CEP76: variants seen among roughly 807,000 people sequenced by gnomAD.
The protein encoded by CEP76 is centrosomal protein 76.
Under a neutral mutation model 83.3 loss-of-function variants are expected in CEP76, and 55 were observed. That is an observed-to-expected ratio of 0.66 (90% CI 0.53 to 0.83). The LOEUF (loss-of-function observed/expected upper bound fraction) is 0.83, where lower values mean the gene tolerates loss of function less well. Among genes scored for constraint, CEP76 ranks in the 40% least tolerant of loss-of-function variants. The pLI is 0.00. For missense variants in CEP76, 694 were observed against 799.5 expected, an observed-to-expected ratio of 0.87 and a Z score of 1.59; for synonymous variants, 270 against 274.5, an observed-to-expected ratio of 0.98 and a Z score of 0.16.
intron 4 of CEP76, among the ~76,000 whole-genome samples, 164 bp from the exon 5 acceptor site, chr18:12,697,572 G>A (rs1236514179): frequency 6.6e-6 from 1 of 152,204 alleles, no homozygotes; most frequent in East Asian, 1.9e-4. Context: ...TACAAGTACA[G>A]TCCTATTTCT....
intron 1 of CEP76, among the ~76,000 whole-genome samples, chr18:12,701,633 A>C (rs1024157200): frequency 2.6e-5 from 4 of 152,160 alleles, no homozygotes; most frequent in African/African-American, 9.7e-5. Flanking sequence ...GGGCACCATA[A>C]ATGGTCGCTT....
chr18:12,674,903 T>C (rs1341144006), intron 10 of CEP76, 150 bp from the exon 11 acceptor site: 10 of 499,280 alleles, frequency 2.0e-5, no homozygotes, highest in African/African-American at 6.0e-5. Context: ...TAGGGATACA[T>C]AGAAATAAAA....
intron 8 of CEP76, chr18:12,686,020 G>A (rs2039528337): frequency 5.8e-6 from 2 of 344,640 alleles, no homozygotes; most frequent in Admixed American, 4.4e-5. Flanking sequence ...TCAATACAAT[G>A]TAAATGCTAC....
chr18:12,665,588 TAA>T (rs995626016), intron 12 of CEP76, among the ~76,000 whole-genome samples: 4 of 152,202 alleles, frequency 2.6e-5, no homozygotes, highest in African/African-American at 9.6e-5. Context: ...TAATCCTTCT[TAA>T]GAGATGTTGG....
chr18:12,679,899 C>CA (rs1598624965), intron 9 of CEP76, among the ~76,000 whole-genome samples: 2 of 151,802 alleles, frequency 1.3e-5, no homozygotes, highest in African/African-American at 4.8e-5. Flanking sequence ...CTCATCCCTA[C>CA]AAAAAAATTA....
downstream of CEP76, among the ~76,000 whole-genome samples, chr18:12,671,587 CTTT>C (rs975871671): frequency 7.0e-6 from 1 of 142,494 alleles, no homozygotes; most frequent in Non-Finnish European, 1.5e-5. Context: ...TCACTTAACA[CTTT>C]TTTTAATATA....
At chr18:12,687,832 T>C (rs749607617) in intron 7 of CEP76, among the ~76,000 whole-genome samples, 1 of 152,118 alleles carries the variant, frequency 6.6e-6, no homozygotes, top group Admixed American at 6.6e-5. Context: ...TTCTTTTACA[T>C]GAACTTAGCA....
rs1022506656 is a variant in CEP76, at chr18:12,680,793, G to T, written c.1158C>A (p.Ser386Arg). ...CTTCTAATCCATATCCAAGAAGAAG[G>T]CTGCACAGAAGGTTAGCGTGATCTT... ...DCEDHANLLC[S>R]LLLGYGLEAF... Residue 386 changes from serine (S) to arginine (R), a missense_variant, in exon 9 of 12, where the codon AGC becomes AGA. Transcript: ENST00000262127. 1.2e-6 allele frequency: 2 copies of T among 1,613,334 alleles called. No individual in the cohort carries two copies. Among genetic ancestry groups the T allele is most frequent in the Non-Finnish European group, 1.7e-6 (2 of 1,179,756 alleles).
Position 12,686,306 on chromosome 18 carries a change from G to GT in CEP76, c.1077dup (p.Gln360ThrfsTer13). 6.2e-7 allele frequency: 1 copy of GT among 1,614,088 alleles called. No homozygotes were observed. Among genetic ancestry groups the GT allele is most frequent in the Non-Finnish European group, 8.5e-7 (1 of 1,179,976 alleles). ...GCCAGCAGAGTGCACCACTGCTCCT[G>GT]TTTACCTCCTCCTCCAATAACAGGG... On this transcript the variant is annotated frameshift_variant, in exon 8 of 12. Coordinates refer to ENST00000262127, the MANE Select transcript of CEP76 (RefSeq NM_024899.4). LOFTEE classifies it high-confidence loss of function.
At chr18:12,667,880 A>G (rs1461481450), downstream of CEP76, among the ~76,000 whole-genome samples, 3 of 148,650 alleles carry the variant, frequency 2.0e-5, no homozygotes, top group African/African-American at 7.4e-5. Context: ...AAATAGAACA[A>G]GAAAGCAGTA....
chr18:12,699,918 GA>G lies in CEP76; in HGVS notation c.220-14del, dbSNP rs376808836. 9.1e-5 allele frequency: 137 copies of G among 1,500,122 alleles called. No individual in the cohort carries two copies. The highest frequency in any genetic ancestry group is 2.6e-4 in the South Asian group (20 of 75,572). 92.9% of individuals were successfully genotyped at this position (1,500,122 alleles called of 1,614,324 possible). On this transcript the variant is annotated splice_polypyrimidine_tract_variant and intron_variant, in intron 2 of 11. Coordinates refer to ENST00000262127, the MANE Select transcript of CEP76 (RefSeq NM_024899.4). ...GCTCAACACTGTCCTAGAAAGGCAG[GA>G]AAAAAAAATCAAAACAAATTAGAAA...
intron 10 of CEP76, among the ~76,000 whole-genome samples, chr18:12,676,153 C>T (rs937634493): frequency 3.3e-5 from 5 of 152,142 alleles, no homozygotes; most frequent in Admixed American, 2.0e-4. Flanking sequence ...CAAAGATCCA[C>T]GATTAACAAT....
At position 12,701,072 on chromosome 18, in the gene CEP76, A is replaced by G; in HGVS notation, c.105T>C (p.Thr35=). Reference sequence around the variant, plus strand: ...GATCAGGTGCCAATTCTTCCCGTATAGTCTCAGCAAGGATTTCTCTTATTC... The same window carrying G: ...GATCAGGTGCCAATTCTTCCCGTATGGTCTCAGCAAGGATTTCTCTTATTC... ...HGRIREILAE[T]IREELAPDQQ... is the part of the protein sequence containing the mutation. Residue 35 remains threonine, a synonymous_variant, in exon 2 of 12, where the codon ACT becomes ACC. Coordinates refer to ENST00000262127, the MANE Select transcript of CEP76 (RefSeq NM_024899.4). 1.2e-5 allele frequency: 19 copies of G among 1,613,590 alleles called. No individual in the cohort carries two copies. Among genetic ancestry groups the G allele is most frequent in the Non-Finnish European group, 1.6e-5 (19 of 1,179,640 alleles).
At chr18:12,701,223 T>C (rs1027799242) in intron 1 of CEP76, 110 bp from the exon 2 acceptor site, 4 of 738,146 alleles carry the variant, frequency 5.4e-6, no homozygotes, top group Admixed American at 2.6e-5. Flanking sequence ...GTTACCACAA[T>C]TGAATGGGAA....
rs933944923 is a variant in CEP76 at position 12,684,033 on chromosome 18, A to AT, written c.1122+2228dup. Reference sequence around the variant, plus strand: ...TATATATGATATCATATATATATGTATTTTTTTTTGAGACAGAGTCTTGCT... The same window carrying AT: ...TATATATGATATCATATATATATGTATTTTTTTTTTGAGACAGAGTCTTGCT... On this transcript the variant is annotated intron_variant, in intron 8 of 11. Transcript: ENST00000262127. 3.6e-4 allele frequency among the ~76,000 whole-genome samples: 53 copies of AT among 149,236 alleles called. 2 individuals carry two copies. In the East Asian group the frequency reaches 8.1e-3, roughly 23 times the overall value.
chr18:12,670,928 TG>T, downstream of CEP76: 1 of 152,200 alleles, frequency 6.6e-6, no homozygotes, highest in East Asian at 1.9e-4. Flanking sequence ...GAATTATAGG[TG>T]TGAACCACTA....
intron 1 of CEP76, 121 bp downstream of exon 1, chr18:12,702,365 C>T (rs2040189601): frequency 1.4e-6 from 1 of 732,666 alleles, no homozygotes; most frequent in Non-Finnish European, 2.3e-6. Flanking sequence ...CTGCGTTGCG[C>T]ACCCCACAAT....
rs2039219803 is a variant in CEP76 at position 12,678,354 on chromosome 18, A to G, written c.1378T>C (p.Phe460Leu). Residue 460 changes from phenylalanine (F) to leucine (L), a missense_variant, in exon 10 of 12, where the codon TTC becomes CTC. Coordinates refer to ENST00000262127, the MANE Select transcript of CEP76 (RefSeq NM_024899.4). Reference protein sequence around the residue: ...LYPYRTIGCVFNHQMFLGNCQ... With the variant: ...LYPYRTIGCVLNHQMFLGNCQ... ...TTTCCCAGGAACATCTGATGGTTGA[A>G]AACACAACCAATTGTTCGATATGGG... 6.2e-7 allele frequency: 1 copy of G among 1,614,028 alleles called. No individual in the cohort carries two copies. Among genetic ancestry groups the G allele is most frequent in the South Asian group, 1.1e-5 (1 of 91,084 alleles).
intron 12 of CEP76, among the ~76,000 whole-genome samples, chr18:12,667,535 G>A (rs572152840): frequency 6.6e-6 from 1 of 152,226 alleles, no homozygotes; most frequent in African/African-American, 2.4e-5. Context: ...GCCAAGGCAG[G>A]TGGATCACAA....
Sources: allele counts gnomAD v4.1 joint callset (sites outside exome capture counted in the v4.1 genomes callset), GRCh38; gene constraint gnomAD v4.1.1; transcripts MANE v1.5; gene names NCBI Gene and HGNC (gene_info 2026-07-23, HGNC 2026-07-21).